Variants in ECM2 observed in about 807,000 individuals in gnomAD.
ECM2 encodes extracellular matrix protein 2, female organ and adipocyte specific.
In ECM2, 57 loss-of-function variants were observed where a neutral mutation model predicts 67.5. The ratio of observed to expected loss-of-function variants is 0.84; its 90% confidence interval spans 0.68 to 1.05. The LOEUF (loss-of-function observed/expected upper bound fraction) is 1.05. Ranked by LOEUF, ECM2 falls within the 50% of genes least tolerant of loss-of-function variation. The probability of loss-of-function intolerance (pLI) is 0.00; values close to 1 mark genes in which losing one functional copy is unlikely to be tolerated. For missense variants in ECM2, 741 were observed against 822.8 expected, an observed-to-expected ratio of 0.90 and a Z score of 1.22; for synonymous variants, 258 against 294.5, an observed-to-expected ratio of 0.88 and a Z score of 1.27.
At chr9:92,541,422 A>G (rs62572513), upstream of ECM2, among the ~76,000 whole-genome samples, 5 of 48,770 alleles carry the variant, frequency 1.0e-4, no homozygotes, top group East Asian at 5.1e-4. Context: ...CCCCCTCCCC[A>G]CCCCGCCCAC....
chr9:92,502,518 A>G lies in ECM2; in HGVS notation c.1599T>C (p.Asn533=), dbSNP rs1361729934. The G allele has an allele frequency of 1.2e-6, 2 of 1,612,256 alleles. No homozygotes were observed. Among genetic ancestry groups the G allele is most frequent in the East Asian group, 4.5e-5 (2 of 44,810 alleles). Residue 533 remains asparagine, a synonymous_variant, in exon 8 of 10, where the codon AAT becomes AAC. Coordinates refer to ENST00000344604, the MANE Select transcript of ECM2 (RefSeq NM_001393.4). ...AAATTGTAGCATGTACTTACTCTTG[A>G]TTTATCCAGGCTAAAGGAGCAATCC... is the stretch of plus-strand genomic sequence containing the variant. The part of the protein sequence containing the change: ...ENRIAPLAWI[N]QENLESIDLS...
At chr9:92,521,605 A>G (rs2131919) in intron 2 of ECM2, among the ~76,000 whole-genome samples, 26,836 of 152,158 alleles carry the variant, frequency 0.18, 3,428 homozygotes, top group East Asian at 0.66. Context: ...TAGTGGTAAC[A>G]TGTCTATAAT....
chr9:92,547,703 T>C, the ECM2 span, among the ~76,000 whole-genome samples: 1 of 152,238 alleles, frequency 6.6e-6, no homozygotes, highest in Non-Finnish European at 1.5e-5. Context: ...GGTTTCTTTA[T>C]GGAGTGACTA....
At chr9:92,533,329 ATATATATATATAT>A (rs1314097300) in intron 1 of ECM2, among the ~76,000 whole-genome samples, 2 of 43,536 alleles carry the variant, frequency 4.6e-5, no homozygotes, top group Non-Finnish European at 8.1e-5. Context: ...AAAAAAAAAA[ATATATATATATAT>A]ATATATATAT....
chr9:92,533,071 A>G (rs1465776060), intron 1 of ECM2, among the ~76,000 whole-genome samples: 2 of 151,626 alleles, frequency 1.3e-5, no homozygotes, highest in African/African-American at 4.8e-5. Context: ...GGCCAAGGCT[A>G]GCGGATCACA....
the ECM2 span, among the ~76,000 whole-genome samples, chr9:92,552,188 T>C: frequency 1.7e-3 from 173 of 99,676 alleles, 1 homozygote; most frequent in African/African-American, 2.4e-3. Context: ...AGATCTATCA[T>C]ATACACACAC....
chr9:92,514,108 C>A (rs1588209099), intron 4 of ECM2, among the ~76,000 whole-genome samples: 1 of 147,584 alleles, frequency 6.8e-6, no homozygotes. Flanking sequence ...CTTCACAGAG[C>A]AATGAGAATC....
In ECM2 at chr9:92,513,332, A is replaced by C. The variant is rs937399659; in HGVS notation, c.1055-1206T>G. Among the ~76,000 whole-genome samples, 14 of 152,220 alleles carry C rather than the reference A, an allele frequency of 9.2e-5. 1 individual carries two copies. The highest frequency in any genetic ancestry group is 8.5e-4 in the Admixed American group (13 of 15,286). ...TACCAAGTGCGGGCAGGCTGCAGAGAGGCAGGAGCTCCCCAGCATGCAGGT... is the reference window on the plus strand; with the variant it reads ...TACCAAGTGCGGGCAGGCTGCAGAGCGGCAGGAGCTCCCCAGCATGCAGGT... On this transcript the variant is annotated intron_variant, in intron 4 of 9. Coordinates refer to ENST00000344604, the MANE Select transcript of ECM2 (RefSeq NM_001393.4).
At chr9:92,532,558 G>A (rs1848864381) in intron 1 of ECM2, among the ~76,000 whole-genome samples, 1 of 151,748 alleles carries the variant, frequency 6.6e-6, no homozygotes, top group African/African-American at 2.4e-5. Context: ...ATTCATCCTG[G>A]TTATTCTCTG....
Position 92,522,878 on chromosome 9 carries a change from T to A in ECM2, c.-12A>T. ...ACTGCAATCTTCATGTTTGATTTTT[T>A]TCCACCAGCCAATTTCTAGAATGAA... On this transcript the variant is annotated 5_prime_UTR_variant, in exon 2 of 10. Transcript: ENST00000344604. 1 of 1,583,820 alleles carries A rather than the reference T, an allele frequency of 6.3e-7. No individual in the cohort carries two copies. Among genetic ancestry groups the A allele is most frequent in the Admixed American group, 1.8e-5 (1 of 55,658 alleles).
At chr9:92,553,843 C>T in the ECM2 span, among the ~76,000 whole-genome samples, 2 of 152,038 alleles carry the variant, frequency 1.3e-5, no homozygotes, top group East Asian at 1.9e-4. Context: ...TCAAGGTAAA[C>T]GATCATATTG....
At chr9:92,532,816 G>A (rs1588245006) in intron 1 of ECM2, among the ~76,000 whole-genome samples, 1 of 151,760 alleles carries the variant, frequency 6.6e-6, no homozygotes, top group East Asian at 1.9e-4. Flanking sequence ...GTCTATTTCG[G>A]TTGTCTCTTA....
Position 92,514,594 on chromosome 9 carries a change from TA to T in ECM2, c.1054+36del, listed in dbSNP as rs1847567145. 2.0e-6 allele frequency: 3 copies of T among 1,530,492 alleles called. No homozygotes were observed. The South Asian group carries it at 3.9e-5, about 20-fold the overall frequency. The allele number at this position is 1,530,492 out of a possible 1,614,324, so 94.8% of individuals were successfully genotyped here. On this transcript the variant is annotated intron_variant, in intron 4 of 9. Transcript: ENST00000344604. ...CCAGCTGCTAAGAGTCATTTACTTT[TA>T]AAGCACAAAATAAAGCAGAAGTCAA...
chr9:92,521,312 C>T (rs1459679617), intron 2 of ECM2, among the ~76,000 whole-genome samples: 1 of 152,086 alleles, frequency 6.6e-6, no homozygotes, highest in Non-Finnish European at 1.5e-5. Context: ...ATAGCTTAGC[C>T]ATCTTTCCAC....
chr9:92,550,679 T>G, the ECM2 span, among the ~76,000 whole-genome samples: 74,184 of 151,882 alleles, frequency 0.49, 21,565 homozygotes, highest in African/African-American at 0.81. Flanking sequence ...ACAAATGAAG[T>G]TTCACATATG....
chr9:92,524,585 C>T (rs745957049), intron 1 of ECM2, among the ~76,000 whole-genome samples: 1 of 152,174 alleles, frequency 6.6e-6, no homozygotes, highest in Non-Finnish European at 1.5e-5. Context: ...TACTCACATA[C>T]ACACACCTAT....
At chr9:92,554,959 T>C in the ECM2 span, among the ~76,000 whole-genome samples, 5 of 152,190 alleles carry the variant, frequency 3.3e-5, no homozygotes, top group African/African-American at 9.6e-5. Flanking sequence ...TATTTTGTTA[T>C]GGATTTTAGT....
intron 1 of ECM2, among the ~76,000 whole-genome samples, chr9:92,524,035 C>A (rs1192390029): frequency 6.6e-6 from 1 of 152,146 alleles, no homozygotes; most frequent in African/African-American, 2.4e-5. Context: ...CAGACATGGC[C>A]CCCTCTCTGG....
intron 7 of ECM2, among the ~76,000 whole-genome samples, chr9:92,504,543 T>C (rs752593530): frequency 6.6e-6 from 1 of 151,800 alleles, no homozygotes; most frequent in Non-Finnish European, 1.5e-5. Flanking sequence ...CAGGGTGGGG[T>C]GTGGTTTGTA....
Sources: gnomAD v4.1 joint callset for allele counts (sites outside exome capture counted in the v4.1 genomes callset) on GRCh38, gnomAD v4.1.1 for gene constraint, MANE v1.5 for transcripts, NCBI Gene and HGNC (gene_info 2026-07-23, HGNC 2026-07-21) for gene names.